Variants in BTF3L4 observed in about 807,000 individuals in gnomAD.
BTF3L4 encodes the protein basic transcription factor 3 like 4.
BTF3L4 carries 6 observed loss-of-function variants against 16.8 expected under a neutral mutation model. That is an observed-to-expected ratio of 0.36 (90% CI 0.20 to 0.71). The LOEUF (loss-of-function observed/expected upper bound fraction) is 0.71. Ranked by LOEUF, BTF3L4 falls within the 30% of genes least tolerant of loss-of-function variation. The pLI, the probability that BTF3L4 is intolerant of heterozygous loss-of-function variation, is 0.58. For synonymous variants in BTF3L4, 39 were observed against 59.8 expected, an observed-to-expected ratio of 0.65 and a Z score of 1.60; for missense variants, 92 against 186.9, an observed-to-expected ratio of 0.49 and a Z score of 2.96.
chr1:52,056,924 GCA>G (rs2124405662), intron 1 of BTF3L4, among the ~76,000 whole-genome samples: 1 of 152,262 alleles, frequency 6.6e-6, no homozygotes, highest in African/African-American at 2.4e-5. Flanking sequence ...GCTCAGTGTT[GCA>G]CAGCTAGTGA....
At chr1:52,057,827 C>A (rs745989867) in intron 1 of BTF3L4, among the ~76,000 whole-genome samples, 6 of 152,182 alleles carry the variant, frequency 3.9e-5, no homozygotes, top group Non-Finnish European at 8.8e-5. Context: ...ATTCTGTTGT[C>A]CTGACCACCT....
chr1:52,079,867 CTTTTCTT>C (rs1643900144), intron 3 of BTF3L4, among the ~76,000 whole-genome samples: 2 of 28,108 alleles, frequency 7.1e-5, no homozygotes, highest in Non-Finnish European at 1.7e-4. Context: ...TTTTTCTTTT[CTTTTCTT>C]TTTTTTTTTT....
intron 2 of BTF3L4, among the ~76,000 whole-genome samples, chr1:52,064,229 A>AG (rs938117825): frequency 2.5e-4 from 38 of 152,312 alleles, no homozygotes; most frequent in Admixed American, 2.0e-3. Flanking sequence ...ACCTCTTCAG[A>AG]GGGGGCTTTC....
intron 3 of BTF3L4, among the ~76,000 whole-genome samples, chr1:52,077,805 C>G (rs1406328952): frequency 6.6e-6 from 1 of 152,066 alleles, no homozygotes; most frequent in African/African-American, 2.4e-5. Flanking sequence ...TATGCAGAGC[C>G]CAGCAAAGGT....
At chr1:52,071,064 T>C (rs1686775160) in intron 3 of BTF3L4, 1 of 152,248 alleles carries the variant, frequency 6.6e-6, no homozygotes, top group South Asian at 2.1e-4. Context: ...TATTTGGTAA[T>C]CTAGTTGAAT....
chr1:52,083,120 A>T (rs1643940371), intron 3 of BTF3L4, among the ~76,000 whole-genome samples: 1 of 152,214 alleles, frequency 6.6e-6, no homozygotes, highest in Non-Finnish European at 1.5e-5. Flanking sequence ...TCTATAATGA[A>T]TTGAATATTT....
Position 52,074,301 on chromosome 1 carries a change from G to A in BTF3L4, c.169-9039G>A, listed in dbSNP as rs531008328. On this transcript the variant is annotated intron_variant, in intron 3 of 5. Coordinates refer to ENST00000313334, the MANE Select transcript of BTF3L4 (RefSeq NM_152265.5). Reference sequence around the variant, plus strand: ...CAACCTCTGCTTCCCAGGTTCAAGCGATTCTCGTGCCTCAAACTCCCAAGT... The same window carrying A: ...CAACCTCTGCTTCCCAGGTTCAAGCAATTCTCGTGCCTCAAACTCCCAAGT... Among the ~76,000 whole-genome samples, 8 of 151,982 alleles carry A rather than the reference G, an allele frequency of 5.3e-5. No homozygotes were observed. The South Asian group carries it at 1.3e-3, about 24-fold the overall frequency.
chr1:52,087,020 T>A lies in BTF3L4; in HGVS notation c.*262T>A. The stretch of plus-strand genomic sequence containing the variant: ...GGTTTTTGATTCCTGGTTTTTTTGT[T>A]TTTTGTTTGGGGTATTTTTGGTGTA... On this transcript the variant is annotated 3_prime_UTR_variant, in exon 6 of 6. Coordinates refer to ENST00000313334, the MANE Select transcript of BTF3L4 (RefSeq NM_152265.5). 1 of 357,452 alleles carries A rather than the reference T, an allele frequency of 2.8e-6. No homozygotes were observed. Among genetic ancestry groups the A allele is most frequent in the Non-Finnish European group, 5.0e-6 (1 of 198,818 alleles). The allele number at this position is 357,452 out of a possible 1,614,324, so 22.1% of individuals were successfully genotyped here.
intron 3 of BTF3L4, among the ~76,000 whole-genome samples, chr1:52,081,475 C>T (rs1324069121): frequency 6.6e-6 from 1 of 152,138 alleles, no homozygotes; most frequent in Non-Finnish European, 1.5e-5. Flanking sequence ...AAAATATAGT[C>T]CTACCATATC....
At chr1:52,077,760 C>G (rs1445328285) in intron 3 of BTF3L4, among the ~76,000 whole-genome samples, 1 of 152,074 alleles carries the variant, frequency 6.6e-6, no homozygotes, top group African/African-American at 2.4e-5. Context: ...TCAAATTTAC[C>G]AGGTAGGAGG....
intron 3 of BTF3L4, among the ~76,000 whole-genome samples, chr1:52,075,191 A>T (rs7552337): frequency 0.92 from 140,283 of 152,194 alleles, 65,521 homozygotes; most frequent in Non-Finnish European, 1. Flanking sequence ...AACACTTTTT[A>T]ATTATTTATT....
intron 3 of BTF3L4, among the ~76,000 whole-genome samples, chr1:52,065,569 CTTTT>C (rs1686626494): frequency 6.6e-6 from 1 of 151,480 alleles, no homozygotes; most frequent in Admixed American, 6.6e-5. Flanking sequence ...CCCGGCCAGA[CTTTT>C]TTTTATTATT....
Position 52,086,799 on chromosome 1 carries a change from A to C in BTF3L4, c.*41A>C. 1.4e-6 allele frequency: 2 copies of C among 1,430,714 alleles called. No homozygotes were observed. The highest frequency in any genetic ancestry group is 1.3e-5 in the South Asian group (1 of 79,920). 88.6% of individuals were successfully genotyped at this position (1,430,714 alleles called of 1,614,324 possible). ...AAGCTGGCATGGACTAGATTTAACA[A>C]ATCAGCTATGTGGTTCCAAAGTTTT... On this transcript the variant is annotated 3_prime_UTR_variant, in exon 6 of 6. Coordinates refer to ENST00000313334, the MANE Select transcript of BTF3L4 (RefSeq NM_152265.5).
At chr1:52,080,561 T>C (rs945401345) in intron 3 of BTF3L4, among the ~76,000 whole-genome samples, 3 of 115,890 alleles carry the variant, frequency 2.6e-5, no homozygotes, top group Non-Finnish European at 3.3e-5. Context: ...TGAGACGGAG[T>C]CTGACTCTGT....
rs184864838 is a variant in BTF3L4, at chr1:52,081,561, T to C, written c.169-1779T>C. On this transcript the variant is annotated intron_variant, in intron 3 of 5. Coordinates refer to ENST00000313334, the MANE Select transcript of BTF3L4 (RefSeq NM_152265.5). The stretch of plus-strand genomic sequence containing the variant: ...GCAACATCCCATTTCACATCCACTG[T>C]CATCCTTCTCGAGCCCAGATTTCAC... Among the ~76,000 whole-genome samples the C allele has an allele frequency of 7.9e-5, 12 of 152,342 alleles. No individual in the cohort carries two copies. In the East Asian group the frequency reaches 1.7e-3, roughly 22 times the overall value.
rs1049257000 is a variant in BTF3L4 at position 52,090,438 on chromosome 1, G to A, written c.*3680G>A. ...ACTCCAGTTCAGCCTGTATTGCTATGCCACATAGAGTTTGCCTGAATTATT... is the reference window on the plus strand; with the variant it reads ...ACTCCAGTTCAGCCTGTATTGCTATACCACATAGAGTTTGCCTGAATTATT... On this transcript the variant is annotated 3_prime_UTR_variant, in exon 6 of 6. Transcript: ENST00000313334. 6.6e-6 allele frequency: 1 copy of A among 152,138 alleles called. No homozygotes were observed. The highest frequency in any genetic ancestry group is 1.5e-5 in the Non-Finnish European group (1 of 68,028). 9.4% of individuals were successfully genotyped at this position (152,138 alleles called of 1,614,324 possible). A position where few individuals can be genotyped will look rare whatever the true frequency, so the allele number is the denominator to read the frequency against.
intron 3 of BTF3L4, among the ~76,000 whole-genome samples, chr1:52,074,015 A>C (rs1295555189): frequency 2.0e-5 from 3 of 151,774 alleles, no homozygotes; most frequent in South Asian, 4.2e-4. Context: ...AAAAAAATGT[A>C]ATTCGCTGGG....
intron 1 of BTF3L4, 97 bp downstream of exon 1, chr1:52,056,476 TG>T (rs537138769): frequency 1.1e-3 from 175 of 152,954 alleles, no homozygotes; most frequent in African/African-American, 4.1e-3. Flanking sequence ...CCGCTCAGGC[TG>T]CCACTTCCGC....
intron 3 of BTF3L4, among the ~76,000 whole-genome samples, chr1:52,075,014 C>T (rs1214912235): frequency 1.3e-5 from 2 of 151,938 alleles, no homozygotes; most frequent in East Asian, 3.9e-4. Context: ...ACCTCTGCCT[C>T]CCAAGGTGCT....
Sources: gnomAD v4.1 joint callset for allele counts (sites outside exome capture counted in the v4.1 genomes callset) on GRCh38, gnomAD v4.1.1 for gene constraint, MANE v1.5 for transcripts, NCBI Gene and HGNC (gene_info 2026-07-23, HGNC 2026-07-21) for gene names.